CHN2: variants seen among roughly 807,000 people sequenced by gnomAD.
The protein encoded by CHN2 is chimerin 2, also known as beta-chimaerin.
CHN2 carries 35 observed loss-of-function variants against 56.3 expected under a neutral mutation model. The observed-to-expected ratio is 0.62, with a 90% CI of 0.47 to 0.82. The LOEUF (loss-of-function observed/expected upper bound fraction) is 0.82, where lower values mean the gene tolerates loss of function less well. Ranked by LOEUF, CHN2 falls within the 40% of genes least tolerant of loss-of-function variation. The pLI, the probability that CHN2 is intolerant of heterozygous loss-of-function variation, is 0.00. For synonymous variants in CHN2, 210 were observed against 212.8 expected (o/e 0.99, Z 0.12); for missense variants, 491 against 580.5 (o/e 0.85, Z 1.58).
chr7:29,491,359 C>A (rs1788648574), intron 7 of CHN2, among the ~76,000 whole-genome samples: 2 of 151,906 alleles, frequency 1.3e-5, no homozygotes, highest in South Asian at 4.2e-4. Flanking sequence ...TTCTCCTTCC[C>A]TGCTTTTTAT....
Position 29,279,565 on chromosome 7 carries a change from G to A in CHN2, c.50-75060G>A, listed in dbSNP as rs553108757. Among the ~76,000 whole-genome samples, 6 of 152,346 alleles carry A rather than the reference G, an allele frequency of 3.9e-5. No individual in the cohort carries two copies. The East Asian group carries it at 1.2e-3, about 29-fold the overall frequency. The stretch of plus-strand genomic sequence containing the variant: ...CGGTTTCAGAGGTGCTGTAATAGAG[G>A]TACATACAGATGGCTCTTGTGGGTA... On this transcript the variant is annotated intron_variant, in intron 1 of 12. Transcript: ENST00000222792.
chr7:29,196,833 A>G (rs6944353), intron 1 of CHN2, among the ~76,000 whole-genome samples: 17,093 of 152,312 alleles, frequency 0.11, 1,004 homozygotes, highest in East Asian at 0.2. Context: ...GATAGGTTAG[A>G]GATGCCCATG....
At chr7:29,396,686 A>G (rs1215832282) in intron 4 of CHN2, 1 of 148,378 alleles carries the variant, frequency 6.7e-6, no homozygotes, top group Non-Finnish European at 1.5e-5. Context: ...TGCCCCTCCC[A>G]CTCTCCTGCT....
In CHN2 at chr7:29,504,712, C is replaced by G. The variant is rs754143827; in HGVS notation, c.914-32C>G. 4 of 1,372,738 alleles carry G rather than the reference C, an allele frequency of 2.9e-6. No homozygotes were observed. In the Admixed American group the frequency reaches 6.0e-5, roughly 21 times the overall value. The allele number at this position is 1,372,738 out of a possible 1,614,324, so 85.0% of individuals were successfully genotyped here. On this transcript the variant is annotated intron_variant, in intron 9 of 12. Transcript: ENST00000222792. The stretch of plus-strand genomic sequence containing the variant: ...TTTTTTTTTTAGATGTTTCAAGAAG[C>G]TAAAGTCAGTCTCTCTCTCTCTCTC...
At chr7:29,405,212 C>CACACACACACACACACACACACAA (rs1585283739) in intron 6 of CHN2, among the ~76,000 whole-genome samples, 1 of 147,408 alleles carries the variant, frequency 6.8e-6, no homozygotes, top group East Asian at 2.0e-4. Context: ...CACACACACA[C>CACACACACACACACACACACACAA]ACACACACAC....
At chr7:29,480,141 G>A in intron 6 of CHN2, 138 bp from the exon 7 acceptor site, 1 of 1,565,470 alleles carries the variant, frequency 6.4e-7, no homozygotes, top group Middle Eastern at 1.7e-4. Flanking sequence ...GCTGGAAAAT[G>A]AGAAAAAGTG....
chr7:29,158,713 A>T (rs1794766971), intron 2 of CHN2, among the ~76,000 whole-genome samples: 1 of 152,226 alleles, frequency 6.6e-6, no homozygotes, highest in Non-Finnish European at 1.5e-5. Context: ...TTAATATAAA[A>T]GTGTTCCTGG....
At position 29,273,359 on chromosome 7, in the gene CHN2, A is replaced by G. The variant is rs1309905916; in HGVS notation, c.49+78369A>G. 7.7e-4 allele frequency among the ~76,000 whole-genome samples: 60 copies of G among 77,526 alleles called. 2 individuals are homozygous for G. The highest frequency in any genetic ancestry group is 1.6e-3 in the African/African-American group (29 of 18,442). 50.9% of individuals were successfully genotyped at this position (77,526 alleles called of 152,430 possible). A position where few individuals can be genotyped will look rare whatever the true frequency, so the allele number is the denominator to read the frequency against. On this transcript the variant is annotated intron_variant, in intron 1 of 12. Coordinates refer to ENST00000222792, the MANE Select transcript of CHN2 (RefSeq NM_004067.4). ...TATATATGTGTATATATATATATAT[A>G]TATATATATATATATATATATATAT...
At chr7:29,313,597 G>A (rs536346257) in intron 1 of CHN2, among the ~76,000 whole-genome samples, 10 of 152,288 alleles carry the variant, frequency 6.6e-5, no homozygotes, top group East Asian at 1.9e-4. Context: ...GAGAAATGCT[G>A]TCTTTAGAGA....
chr7:29,207,467 C>G (rs1784606932), intron 1 of CHN2, among the ~76,000 whole-genome samples: 1 of 152,186 alleles, frequency 6.6e-6, no homozygotes, highest in Non-Finnish European at 1.5e-5. Flanking sequence ...AAGGCCATGG[C>G]ACCCTCCTTC....
chr7:29,430,144 T>C (rs1414148636), intron 6 of CHN2, among the ~76,000 whole-genome samples: 1 of 152,176 alleles, frequency 6.6e-6, no homozygotes, highest in East Asian at 1.9e-4. Flanking sequence ...AGCTAAAAGA[T>C]TTAAACTGTG....
rs10633708 is a variant in CHN2, at chr7:29,504,721, GTCTC to G, written c.914-9_914-6del. 2.1e-4 allele frequency: 268 copies of G among 1,283,364 alleles called. 1 individual carries two copies. Among genetic ancestry groups the G allele is most frequent in the East Asian group, 1.1e-3 (45 of 39,410 alleles). The allele number at this position is 1,283,364 out of a possible 1,614,324, so 79.5% of individuals were successfully genotyped here. On this transcript the variant is annotated intron_variant, in intron 9 of 12. Coordinates refer to ENST00000222792, the MANE Select transcript of CHN2 (RefSeq NM_004067.4). ...TAGATGTTTCAAGAAGCTAAAGTCA[GTCTC>G]TCTCTCTCTCTCTAACAGGATTAAA...
intron 12 of CHN2, among the ~76,000 whole-genome samples, chr7:29,510,216 T>C (rs1791141039): frequency 6.6e-6 from 1 of 152,180 alleles, no homozygotes; most frequent in Admixed American, 6.5e-5. Context: ...TATTATCTCA[T>C]AGTTTCTAAG....
intron 2 of CHN2, among the ~76,000 whole-genome samples, chr7:29,355,000 C>T (rs901391740): frequency 4.8e-5 from 7 of 146,286 alleles, no homozygotes; most frequent in Non-Finnish European, 9.0e-5. Context: ...CCAAGTTTCA[C>T]TCTTGTTGCC....
chr7:29,295,288 C>T (rs1485958457), intron 1 of CHN2, among the ~76,000 whole-genome samples: 1 of 145,952 alleles, frequency 6.9e-6, no homozygotes, highest in Non-Finnish European at 1.5e-5. Context: ...TACGAAGGGC[C>T]GACTATATCC....
At chr7:29,182,290 C>T (rs1798157541) in intron 2 of CHN2, among the ~76,000 whole-genome samples, 2 of 152,172 alleles carry the variant, frequency 1.3e-5, no homozygotes, top group African/African-American at 4.8e-5. Flanking sequence ...TCTTTCTATT[C>T]AATGCCTTAA....
intron 5 of CHN2, among the ~76,000 whole-genome samples, chr7:29,399,390 G>A (rs1050257742): frequency 3.9e-5 from 6 of 152,204 alleles, no homozygotes; most frequent in African/African-American, 1.4e-4. Context: ...CGTGAGGGCA[G>A]TCATGACCCT....
intron 6 of CHN2, among the ~76,000 whole-genome samples, chr7:29,431,686 G>A (rs1261301486): frequency 1.3e-5 from 2 of 152,170 alleles, no homozygotes; most frequent in African/African-American, 2.4e-5. Context: ...ATGGGGCAGG[G>A]GTAGTCATGA....
At position 29,512,519 on chromosome 7, in the gene CHN2, C is replaced by T. The variant is rs749946355; in HGVS notation, c.1236-45C>T. ...TACATAATCAATACATAAAATCAATCCTCAAGTCTCCATAATGTCTCTGTT... is the reference window on the plus strand; with the variant it reads ...TACATAATCAATACATAAAATCAATTCTCAAGTCTCCATAATGTCTCTGTT... On this transcript the variant is annotated intron_variant, in intron 12 of 12. Coordinates refer to ENST00000222792, the MANE Select transcript of CHN2 (RefSeq NM_004067.4). The T allele has an allele frequency of 1.6e-5, 24 of 1,526,488 alleles. 1 individual carries two copies. In the South Asian group the frequency reaches 2.6e-4, roughly 16 times the overall value. The allele number at this position is 1,526,488 out of a possible 1,614,324, so 94.6% of individuals were successfully genotyped here.
Sources: allele counts gnomAD v4.1 joint callset (sites outside exome capture counted in the v4.1 genomes callset), GRCh38; gene constraint gnomAD v4.1.1; transcripts MANE v1.5; gene names NCBI Gene and HGNC (gene_info 2026-07-23, HGNC 2026-07-21).